MGAT4C: variants seen among roughly 807,000 people sequenced by gnomAD.
MGAT4C encodes the protein MGAT4 family member C.
MGAT4C carries 19 observed loss-of-function variants against 40.1 expected under a neutral mutation model. The observed-to-expected ratio is 0.47, with a 90% CI of 0.33 to 0.70. MGAT4C has a LOEUF of 0.70. MGAT4C is among the 30% of genes least tolerant of loss of function. The pLI, the probability that MGAT4C is intolerant of heterozygous loss-of-function variation, is 0.02. For missense variants in MGAT4C, 491 were observed against 563.2 expected (o/e 0.87, Z 1.30); for synonymous variants, 181 against 187.1 (o/e 0.97, Z 0.27).
Position 86,600,011 on chromosome 12 carries a change from T to G in MGAT4C, c.-229+127198A>C, listed in dbSNP as rs376378033. Among the ~76,000 whole-genome samples the G allele has an allele frequency of 3.2e-4, 49 of 151,890 alleles. No homozygotes were observed. In the South Asian group the frequency reaches 0.01, roughly 32 times the overall value. Reference sequence around the variant, plus strand: ...AAAAAACCAGAAACAAAGTAAACAATTTCACAGGTGACAAGTTCCATGAAA... The same window carrying G: ...AAAAAACCAGAAACAAAGTAAACAAGTTCACAGGTGACAAGTTCCATGAAA... On this transcript the variant is annotated intron_variant, in intron 2 of 7. Coordinates refer to the MGAT4C transcript ENST00000548651.
chr12:86,764,581 C>A (rs1161626000), intron 1 of MGAT4C, among the ~76,000 whole-genome samples: 1 of 70,252 alleles, frequency 1.4e-5, no homozygotes, highest in African/African-American at 5.0e-5. Context: ...TCCCTGACCC[C>A]TGACCCCTGA....
chr12:86,428,857 TTTAG>T (rs1470018185), intron 3 of MGAT4C, among the ~76,000 whole-genome samples: 4 of 152,144 alleles, frequency 2.6e-5, no homozygotes, highest in Non-Finnish European at 5.9e-5. Flanking sequence ...TTCTCTCTTT[TTTAG>T]TTATTCTAGC....
Position 86,710,132 on chromosome 12 carries a change from C to T in MGAT4C, c.-229+17077G>A, listed in dbSNP as rs535967211. Among the ~76,000 whole-genome samples the T allele has an allele frequency of 4.6e-5, 7 of 152,304 alleles. No homozygotes were observed. In the South Asian group the frequency reaches 1.5e-3, roughly 32 times the overall value. ...TGTCAATAGACATATTAGAAACCTT[C>T]CAACTTCACTAGTCATTGAAGTATA... On this transcript the variant is annotated intron_variant, in intron 2 of 7. Transcript: ENST00000548651.
intron 1 of MGAT4C, among the ~76,000 whole-genome samples, chr12:86,231,500 A>C (rs541751966): frequency 2.4e-4 from 37 of 152,294 alleles, no homozygotes; most frequent in Non-Finnish European, 4.3e-4. Context: ...CAAATAATCT[A>C]ATTCTGGAAA....
At chr12:86,817,826 T>C (rs998551589) in intron 1 of MGAT4C, among the ~76,000 whole-genome samples, 2 of 151,476 alleles carry the variant, frequency 1.3e-5, no homozygotes, top group African/African-American at 4.8e-5. Flanking sequence ...AGGAAATATG[T>C]CTTAATATGC....
At chr12:86,441,864 G>T (rs1170051208) in intron 2 of MGAT4C, among the ~76,000 whole-genome samples, 2 of 152,026 alleles carry the variant, frequency 1.3e-5, no homozygotes, top group Admixed American at 6.6e-5. Flanking sequence ...ATATACCCAG[G>T]AATGGGATGG....
intron 3 of MGAT4C, among the ~76,000 whole-genome samples, chr12:86,347,132 G>A (rs1325366481): frequency 1.3e-5 from 2 of 152,216 alleles, no homozygotes; most frequent in East Asian, 3.9e-4. Flanking sequence ...ACGGCCTATG[G>A]TGGGACTTTA....
chr12:86,073,460 G>T (rs1306171757), intron 1 of MGAT4C, among the ~76,000 whole-genome samples: 2 of 152,182 alleles, frequency 1.3e-5, no homozygotes, highest in Non-Finnish European at 2.9e-5. Context: ...GGAACAGTTT[G>T]GAGAGCCCAG....
At chr12:86,724,452 G>C (rs960484902) in intron 2 of MGAT4C, among the ~76,000 whole-genome samples, 9 of 152,266 alleles carry the variant, frequency 5.9e-5, no homozygotes, top group African/African-American at 2.2e-4. Context: ...TACTTGCAGA[G>C]CCATCTTTTG....
rs568275002 is a variant in MGAT4C at position 86,468,449 on chromosome 12, T to C, written c.-228-33184A>G. On this transcript the variant is annotated intron_variant, in intron 2 of 7. Coordinates refer to the MGAT4C transcript ENST00000548651. ...ATCTTCCCAGAGATTTTTCCATAGC[T>C]TTTCAACTGATCTTTCTCTCCACCC... Among the ~76,000 whole-genome samples, 508 of 152,170 alleles carry C rather than the reference T, an allele frequency of 3.3e-3. 3 individuals are homozygous for C. The highest frequency in any genetic ancestry group is 0.012 in the African/African-American group (492 of 41,528).
intron 1 of MGAT4C, among the ~76,000 whole-genome samples, chr12:86,831,727 T>C (rs987293643): frequency 1.3e-5 from 2 of 151,836 alleles, no homozygotes; most frequent in Non-Finnish European, 2.9e-5. Context: ...TAGGGCCTAA[T>C]AAAAGAATTT....
intron 1 of MGAT4C, among the ~76,000 whole-genome samples, chr12:86,140,586 A>G (rs1882691194): frequency 1.3e-5 from 2 of 152,138 alleles, no homozygotes; most frequent in African/African-American, 4.8e-5. Flanking sequence ...GCAGCAAACC[A>G]CCATGGTACA....
chr12:86,216,225 G>T (rs1950665572), intron 1 of MGAT4C, among the ~76,000 whole-genome samples: 1 of 152,130 alleles, frequency 6.6e-6, no homozygotes, highest in Admixed American at 6.5e-5. Context: ...TAACTTAAAT[G>T]TGTTGGCTTG....
intron 3 of MGAT4C, among the ~76,000 whole-genome samples, chr12:86,408,061 C>T (rs1212769457): frequency 6.6e-6 from 1 of 151,922 alleles, no homozygotes; most frequent in African/African-American, 2.4e-5. Context: ...AAACATTCTT[C>T]CTGTAATTGA....
At chr12:86,243,736 C>T (rs527909546) in intron 1 of MGAT4C, among the ~76,000 whole-genome samples, 2 of 152,164 alleles carry the variant, frequency 1.3e-5, no homozygotes, top group South Asian at 2.1e-4. Context: ...GGTCTGAAAA[C>T]GAACCCTGAA....
intron 1 of MGAT4C, among the ~76,000 whole-genome samples, chr12:86,203,056 T>TGTGTG (rs1555246936): frequency 1.6e-4 from 21 of 131,142 alleles, no homozygotes; most frequent in African/African-American, 5.7e-4. Context: ...GTGTGTGTGT[T>TGTGTG]TTTACATAGC....
chr12:86,824,914 G>T (rs902907521), intron 1 of MGAT4C, among the ~76,000 whole-genome samples: 2 of 151,168 alleles, frequency 1.3e-5, no homozygotes, highest in African/African-American at 2.4e-5. Flanking sequence ...ATGACCAAAA[G>T]AATTTATATT....
intron 2 of MGAT4C, among the ~76,000 whole-genome samples, chr12:86,489,708 C>A (rs1451715193): frequency 3.3e-5 from 5 of 152,064 alleles, no homozygotes; most frequent in African/African-American, 4.8e-5. Flanking sequence ...AGGGGTTGAA[C>A]CATGTGGGCT....
At chr12:86,019,628 G>T (rs188817488) in intron 2 of MGAT4C, among the ~76,000 whole-genome samples, 1 of 152,174 alleles carries the variant, frequency 6.6e-6, no homozygotes, top group Admixed American at 6.5e-5. Flanking sequence ...GTAGCGTGAT[G>T]CCTCCAGCCT....
Sources: gnomAD v4.1 joint callset for allele counts (sites outside exome capture counted in the v4.1 genomes callset) on GRCh38, gnomAD v4.1.1 for gene constraint, MANE v1.5 for transcripts, NCBI Gene and HGNC (gene_info 2026-07-23, HGNC 2026-07-21) for gene names.